DSCAM: variants seen among roughly 807,000 people sequenced by gnomAD.
DSCAM encodes the protein DS cell adhesion molecule.
DSCAM carries 47 observed loss-of-function variants against 217.7 expected under a neutral mutation model. The observed-to-expected ratio is 0.22, with a 90% CI of 0.17 to 0.28. The LOEUF is 0.28. Among genes scored for constraint, DSCAM ranks in the 10% least tolerant of loss-of-function variants. DSCAM has a pLI of 1.00. For missense variants in DSCAM, 2,080 were observed against 2,618.3 expected, an observed-to-expected ratio of 0.79 and a Z score of 4.49; for synonymous variants, 1,056 against 1,015.3, an observed-to-expected ratio of 1.04 and a Z score of -0.76.
chr21:40,082,591 G>C, intron 24 of DSCAM, among the ~76,000 whole-genome samples: 1 of 151,822 alleles, frequency 6.6e-6, no homozygotes, highest in South Asian at 2.1e-4. Flanking sequence ...ATGACTCTCT[G>C]TGCATTCCAC....
intron 3 of DSCAM, among the ~76,000 whole-genome samples, chr21:40,567,097 T>C (rs148304108): frequency 6.0e-4 from 92 of 152,302 alleles, no homozygotes; most frequent in African/African-American, 2.1e-3. Context: ...TTACATTTTA[T>C]GACTCTGTAA....
chr21:40,155,895 G>A (rs1449027837), intron 16 of DSCAM, among the ~76,000 whole-genome samples: 1 of 151,856 alleles, frequency 6.6e-6, no homozygotes, highest in African/African-American at 2.4e-5. Flanking sequence ...AACGAAACAG[G>A]CCCTTTCCAC....
intron 6 of DSCAM, among the ~76,000 whole-genome samples, chr21:40,341,422 A>G (rs1033787725): frequency 1.3e-5 from 2 of 152,310 alleles, no homozygotes. Flanking sequence ...GTTTAGAAAA[A>G]TGTTCTTCAG....
chr21:40,079,096 G>T, intron 25 of DSCAM, 119 bp from the exon 26 acceptor site: 1 of 1,161,188 alleles, frequency 8.6e-7, no homozygotes, highest in Non-Finnish European at 1.2e-6. Context: ...TCCAAGTCTG[G>T]CTCACAGGCC....
chr21:40,423,189 G>GT (rs2075441088), intron 3 of DSCAM, among the ~76,000 whole-genome samples: 1 of 152,222 alleles, frequency 6.6e-6, no homozygotes, highest in African/African-American at 2.4e-5. Context: ...TTGCCAGGCA[G>GT]TGGCATATGC....
chr21:40,469,835 T>C lies in DSCAM; in HGVS notation c.509-100590A>G, dbSNP rs368356489. 2.9e-4 allele frequency among the ~76,000 whole-genome samples: 44 copies of C among 152,350 alleles called. No homozygotes were observed. The South Asian group carries it at 9.1e-3, about 32-fold the overall frequency. On this transcript the variant is annotated intron_variant, in intron 3 of 32. Transcript: ENST00000400454. The stretch of plus-strand genomic sequence containing the variant: ...TTGTTATAATTTCTTTATAACCATA[T>C]GACATTAAAATTATTTGCATGTAGT...
intron 20 of DSCAM, among the ~76,000 whole-genome samples, chr21:40,115,182 A>G (rs1181777508): frequency 1.3e-5 from 2 of 152,204 alleles, no homozygotes; most frequent in African/African-American, 4.8e-5. Flanking sequence ...CAGCAATGAT[A>G]GACTGGATTA....
chr21:40,337,996 T>C (rs2074445782), intron 8 of DSCAM, 105 bp downstream of exon 8: 2 of 1,393,216 alleles, frequency 1.4e-6, no homozygotes, highest in Non-Finnish European at 9.9e-7. Context: ...ACAATTATCC[T>C]GCTCTAAATA....
chr21:40,395,537 G>T (rs544269383), intron 3 of DSCAM, among the ~76,000 whole-genome samples: 1 of 151,994 alleles, frequency 6.6e-6, no homozygotes, highest in Admixed American at 6.6e-5. Flanking sequence ...TTGGAGATTT[G>T]GGTGTAGATT....
At chr21:40,222,098 T>C (rs966703916) in intron 11 of DSCAM, among the ~76,000 whole-genome samples, 1 of 152,202 alleles carries the variant, frequency 6.6e-6, no homozygotes, top group Non-Finnish European at 1.5e-5. Context: ...CTGAGAGTGT[T>C]TGTTGCCAGT....
intron 3 of DSCAM, among the ~76,000 whole-genome samples, chr21:40,454,528 A>T (rs1217106621): frequency 6.6e-6 from 1 of 152,224 alleles, no homozygotes; most frequent in African/African-American, 2.4e-5. Context: ...AACAGAAAGG[A>T]ATCCTTCTAG....
chr21:40,101,217 G>A (rs2089746167), intron 20 of DSCAM, among the ~76,000 whole-genome samples: 1 of 152,160 alleles, frequency 6.6e-6, no homozygotes, highest in African/African-American at 2.4e-5. Flanking sequence ...GCTAGCTGAG[G>A]AAAAAGCCTG....
At chr21:40,272,700 C>A (rs761877784) in intron 11 of DSCAM, among the ~76,000 whole-genome samples, 2 of 152,180 alleles carry the variant, frequency 1.3e-5, no homozygotes, top group Non-Finnish European at 2.9e-5. Flanking sequence ...GGAGTCCAGA[C>A]TTGCTGCAGG....
At chr21:40,756,824 A>G (rs1446115874) in intron 1 of DSCAM, among the ~76,000 whole-genome samples, 1 of 152,154 alleles carries the variant, frequency 6.6e-6, no homozygotes, top group Admixed American at 6.5e-5. Flanking sequence ...TAAATGAGGA[A>G]GCTGAGGCAC....
intron 27 of DSCAM, among the ~76,000 whole-genome samples, chr21:40,063,824 T>A (rs918467754): frequency 1.3e-5 from 2 of 152,170 alleles, no homozygotes; most frequent in African/African-American, 4.8e-5. Context: ...ATGCTATTTC[T>A]GAAAGACGTG....
At chr21:40,659,409 CTA>C (rs1317570742) in intron 3 of DSCAM, among the ~76,000 whole-genome samples, 1 of 151,460 alleles carries the variant, frequency 6.6e-6, no homozygotes, top group African/African-American at 2.4e-5. Flanking sequence ...TCTCATCTCT[CTA>C]TCACTCTAGT....
intron 6 of DSCAM, among the ~76,000 whole-genome samples, chr21:40,339,899 C>T (rs1338063218): frequency 1.6e-5 from 1 of 64,312 alleles, no homozygotes; most frequent in African/African-American, 4.3e-5. Context: ...GGTTTTCTCA[C>T]TAGGGAATTC....
chr21:40,546,212 G>A (rs534321198), intron 3 of DSCAM, among the ~76,000 whole-genome samples: 11 of 152,342 alleles, frequency 7.2e-5, no homozygotes, highest in Non-Finnish European at 1.0e-4. Context: ...AGGCATCTAT[G>A]GGGAGATATT....
intron 32 of DSCAM, among the ~76,000 whole-genome samples, chr21:40,017,981 T>C (rs1326120489): frequency 1.3e-5 from 2 of 152,128 alleles, no homozygotes; most frequent in African/African-American, 4.8e-5. Context: ...TAGACACTAA[T>C]GTGGAGGGTT....
Sources: allele counts gnomAD v4.1 joint callset (sites outside exome capture counted in the v4.1 genomes callset), GRCh38; gene constraint gnomAD v4.1.1; transcripts MANE v1.5; gene names NCBI Gene and HGNC (gene_info 2026-07-23, HGNC 2026-07-21).